ATP10A: variants seen among roughly 807,000 people sequenced by gnomAD.
ATP10A encodes phospholipid-transporting ATPase VA.
A neutral mutation model predicts 147.8 loss-of-function variants in ATP10A; 111 were observed. The observed-to-expected ratio is 0.75, with a 90% CI of 0.64 to 0.88. The LOEUF (loss-of-function observed/expected upper bound fraction) is 0.88. Among genes scored for constraint, ATP10A ranks in the 40% least tolerant of loss-of-function variants. The pLI, the probability that ATP10A is intolerant of heterozygous loss-of-function variation, is 0.00. For synonymous variants in ATP10A, 875 were observed against 841.6 expected, an observed-to-expected ratio of 1.04 and a Z score of -0.69; for missense variants, 1,927 against 1,959.0, an observed-to-expected ratio of 0.98 and a Z score of 0.31.
At chr15:25,756,141 A>T (rs1328989587) in intron 2 of ATP10A, among the ~76,000 whole-genome samples, 1 of 152,120 alleles carries the variant, frequency 6.6e-6, no homozygotes, top group African/African-American at 2.4e-5. Context: ...TGAGACTGCA[A>T]ATTTAGGGTT....
Position 25,724,008 on chromosome 15 carries a change from C to G in ATP10A, c.993G>C (p.Trp331Cys). The G allele has an allele frequency of 1.2e-6, 2 of 1,601,166 alleles. No individual in the cohort carries two copies. The highest frequency in any genetic ancestry group is 1.7e-6 in the Non-Finnish European group (2 of 1,175,298). ...SLFSAVGHGL[W>C]IWRYQEKKSL... is the part of the protein sequence containing the mutation. ...ACTTCTTCTCTTGATACCGCCATATCCACAGTCCATGTCCTGTAGTAATGT... is the reference window on the plus strand; with the variant it reads ...ACTTCTTCTCTTGATACCGCCATATGCACAGTCCATGTCCTGTAGTAATGT... Residue 331 changes from tryptophan (W) to cysteine (C), a missense_variant, in exon 6 of 21, where the codon TGG (tryptophan) becomes TGC (cysteine). By Grantham distance (215) the Trp-to-Cys change is radical. Transcript: ENST00000555815.
At chr15:25,784,331 G>A (rs542706931) in intron 1 of ATP10A, among the ~76,000 whole-genome samples, 6 of 152,304 alleles carry the variant, frequency 3.9e-5, no homozygotes, top group South Asian at 2.1e-4. Context: ...GAGAGACACC[G>A]CAAGGCACTG....
At chr15:25,808,858 G>A (rs374915083) in intron 1 of ATP10A, among the ~76,000 whole-genome samples, 1 of 152,192 alleles carries the variant, frequency 6.6e-6, no homozygotes, top group Non-Finnish European at 1.5e-5. Context: ...AGTGAGGTGG[G>A]ATTTGAGTTT....
At chr15:25,784,229 C>T (rs1890055621) in intron 1 of ATP10A, among the ~76,000 whole-genome samples, 1 of 152,228 alleles carries the variant, frequency 6.6e-6, no homozygotes, top group African/African-American at 2.4e-5. Flanking sequence ...CAGAGGAAGG[C>T]AGCCTATGCC....
At chr15:25,749,111 T>G (rs1888014884) in intron 2 of ATP10A, among the ~76,000 whole-genome samples, 1 of 151,476 alleles carries the variant, frequency 6.6e-6, no homozygotes, top group African/African-American at 2.4e-5. Flanking sequence ...TAGCAAAGTT[T>G]CTGGATACAA....
intron 1 of ATP10A, among the ~76,000 whole-genome samples, chr15:25,835,442 C>A (rs565995721): frequency 6.6e-6 from 1 of 152,232 alleles, no homozygotes; most frequent in South Asian, 2.1e-4. Context: ...GAGCAGCAGC[C>A]CACGGAAGCA....
At chr15:25,705,442 AAAAAAAAAAAAC>A (rs869137289) in intron 12 of ATP10A, among the ~76,000 whole-genome samples, 6 of 22,220 alleles carry the variant, frequency 2.7e-4, no homozygotes, top group African/African-American at 9.7e-4. Context: ...TCTCAAAGCA[AAAAAAAAAAAAC>A]AAAAAAAAAA....
chr15:25,702,188 C>A, intron 12 of ATP10A, 88 bp from the exon 13 acceptor site: 1 of 1,362,360 alleles, frequency 7.3e-7, no homozygotes, highest in East Asian at 2.3e-5. Context: ...ACCAGATACA[C>A]CGAAGGCAGG....
intron 1 of ATP10A, among the ~76,000 whole-genome samples, chr15:25,814,136 G>GA (rs892254632): frequency 7.3e-5 from 11 of 151,508 alleles, no homozygotes; most frequent in African/African-American, 2.7e-4. Context: ...TGAAAACTGA[G>GA]AAAAAAATAT....
chr15:25,777,922 T>C (rs1889700659), intron 2 of ATP10A, among the ~76,000 whole-genome samples: 1 of 152,006 alleles, frequency 6.6e-6, no homozygotes, highest in Admixed American at 6.6e-5. Context: ...CCTATATTCT[T>C]CAGGGTCCTC....
At chr15:25,749,082 A>G (rs889558134) in intron 2 of ATP10A, among the ~76,000 whole-genome samples, 1 of 150,742 alleles carries the variant, frequency 6.6e-6, no homozygotes, top group Non-Finnish European at 1.5e-5. Context: ...AAAAAAAAAA[A>G]AGAATTAATA....
chr15:25,676,065 G>A (rs921420828), downstream of ATP10A, among the ~76,000 whole-genome samples: 5 of 152,230 alleles, frequency 3.3e-5, no homozygotes, highest in Admixed American at 6.5e-5. Context: ...CACCCTGAGT[G>A]TGGGAAGCTC....
chr15:25,755,307 C>T (rs189242101), intron 2 of ATP10A, among the ~76,000 whole-genome samples: 2 of 152,112 alleles, frequency 1.3e-5, no homozygotes, highest in East Asian at 3.9e-4. Context: ...CCAACTAATA[C>T]ACAGGTTGGT....
At position 25,732,138 on chromosome 15, in the gene ATP10A, T is replaced by C. The variant is rs116239743; in HGVS notation, c.740+3918A>G. On this transcript the variant is annotated intron_variant, in intron 3 of 20. Transcript: ENST00000555815. ...CCTCCCATCTAGGCCTCCCAAAGGATTACAGGCATGAGCCACTGCACAGGC... is the reference window on the plus strand; with the variant it reads ...CCTCCCATCTAGGCCTCCCAAAGGACTACAGGCATGAGCCACTGCACAGGC... Among the ~76,000 whole-genome samples, 1,109 of 152,292 alleles carry C rather than the reference T, an allele frequency of 7.3e-3. 14 individuals are homozygous for C. Among genetic ancestry groups the C allele is most frequent in the African/African-American group, 0.025 (1,034 of 41,568 alleles).
chr15:25,781,255 C>A (rs375124272), intron 1 of ATP10A, 32 bp from the exon 2 acceptor site: 1 of 1,577,290 alleles, frequency 6.3e-7, no homozygotes, highest in Non-Finnish European at 8.6e-7. Flanking sequence ...ACAAAACTCA[C>A]GAGACATTGG....
rs765365464 is a variant in ATP10A at position 25,718,257 on chromosome 15, G to A, written c.1506C>T (p.His502=). ...CCTCGGCCCGGCTGCCCGTGCGCCG[G>A]TGGGACTTGGTGCTCTGGGTTCTGT... ...VVHRTQSTKS[H]RRTGSRAEAK... is the part of the protein sequence containing the mutation. The change falls in exon 8 of 21, where the codon CAC becomes CAT. Residue 502 remains histidine, a synonymous_variant. Transcript: ENST00000555815. 1.1e-5 allele frequency: 18 copies of A among 1,612,790 alleles called. No homozygotes were observed. The highest frequency in any genetic ancestry group is 1.4e-5 in the Non-Finnish European group (17 of 1,179,980).
chr15:25,718,335 G>A lies in ATP10A; in HGVS notation c.1428C>T (p.Gly476=). Residue 476 remains glycine, a synonymous_variant, in exon 8 of 21, where the codon GGC becomes GGT. Coordinates refer to ENST00000555815, the MANE Select transcript of ATP10A (RefSeq NM_024490.4). ...CGATGCTGCCGCGCTGGGACACCGA[G>A]CCCCCTCTGGGCACCACCTCCTCCT... ...SEEEEVVPRG[G]SVSQRGSIGS... 9 of 1,610,426 alleles carry A rather than the reference G, an allele frequency of 5.6e-6. No homozygotes were observed. The highest frequency in any genetic ancestry group is 4.5e-5 in the East Asian group (2 of 44,824).
At chr15:25,812,858 CA>C (rs2140822526) in intron 1 of ATP10A, among the ~76,000 whole-genome samples, 1 of 152,284 alleles carries the variant, frequency 6.6e-6, no homozygotes, top group Admixed American at 6.5e-5. Flanking sequence ...AATAAAAGTG[CA>C]GTGCAGGATT....
chr15:25,794,655 C>T (rs1398242852), intron 1 of ATP10A, among the ~76,000 whole-genome samples: 5 of 152,236 alleles, frequency 3.3e-5, no homozygotes, highest in African/African-American at 1.2e-4. Flanking sequence ...TTTTCCCAGT[C>T]AAGCATCAAC....
Sources: gnomAD v4.1 joint callset for allele counts (sites outside exome capture counted in the v4.1 genomes callset) on GRCh38, gnomAD v4.1.1 for gene constraint, MANE v1.5 for transcripts, NCBI Gene and HGNC (gene_info 2026-07-23, HGNC 2026-07-21) for gene names.